AFTPH: variants seen among roughly 807,000 people sequenced by gnomAD.
AFTPH encodes the protein aftiphilin protein.
Under a neutral mutation model 72.5 loss-of-function variants are expected in AFTPH, and 7 were observed. The ratio of observed to expected loss-of-function variants is 0.10; its 90% CI spans 0.05 to 0.18. The LOEUF is 0.18. Ranked by LOEUF, AFTPH falls within the 10% of genes least tolerant of loss-of-function variation. AFTPH has a pLI of 1.00. For missense variants in AFTPH, 979 were observed against 1,060.5 expected, an observed-to-expected ratio of 0.92 and a Z score of 1.07; for synonymous variants, 337 against 370.1, an observed-to-expected ratio of 0.91 and a Z score of 1.03.
exon 2 of AFTPH, chr2:64,552,599 T>C (rs1671117120): frequency 6.2e-7 from 1 of 1,614,172 alleles, no homozygotes. Flanking sequence ...CTGTTAAAAC[T>C]TCTGATGATG....
chr2:64,537,917 G>T (rs1026775005), intron 1 of AFTPH, among the ~76,000 whole-genome samples: 1 of 152,128 alleles, frequency 6.6e-6, no homozygotes, highest in East Asian at 1.9e-4. Context: ...CCCTCCTCTT[G>T]TATGCTAGAA....
chr2:64,541,906 C>T (rs1343261801), intron 1 of AFTPH, among the ~76,000 whole-genome samples: 1 of 152,086 alleles, frequency 6.6e-6, no homozygotes, highest in Non-Finnish European at 1.5e-5. Context: ...TTGCTAATGT[C>T]ATTGATACTA....
intron 2 of AFTPH, among the ~76,000 whole-genome samples, chr2:64,560,127 T>G (rs1168591360): frequency 6.6e-6 from 1 of 152,194 alleles, no homozygotes; most frequent in African/African-American, 2.4e-5. Flanking sequence ...TATGGAAGAC[T>G]GGAACCTGTT....
chr2:64,572,120 T>C (rs1017052612), intron 5 of AFTPH, among the ~76,000 whole-genome samples: 1 of 150,920 alleles, frequency 6.6e-6, no homozygotes. Context: ...CTCGGGAGGC[T>C]GAGGCAGGAG....
At chr2:64,584,269 T>C (rs1325818271) in intron 7 of AFTPH, among the ~76,000 whole-genome samples, 1 of 152,148 alleles carries the variant, frequency 6.6e-6, no homozygotes, top group Non-Finnish European at 1.5e-5. Context: ...ATTGTTGTCA[T>C]CATTGCTATA....
At chr2:64,584,812 G>C (rs1466873123) in intron 7 of AFTPH, among the ~76,000 whole-genome samples, 4 of 152,146 alleles carry the variant, frequency 2.6e-5, no homozygotes, top group African/African-American at 9.6e-5. Context: ...TAGCCAGGAC[G>C]GTCTTGATCT....
chr2:64,584,437 A>ATAT (rs1673380477), intron 7 of AFTPH, among the ~76,000 whole-genome samples: 1 of 152,114 alleles, frequency 6.6e-6, no homozygotes, highest in African/African-American at 2.4e-5. Flanking sequence ...CCAGATTCAG[A>ATAT]CATGAGACTA....
intron 8 of AFTPH, among the ~76,000 whole-genome samples, chr2:64,590,748 C>G (rs181782296): frequency 6.6e-6 from 1 of 152,166 alleles, no homozygotes; most frequent in African/African-American, 2.4e-5. Flanking sequence ...TCCTAAAAGT[C>G]GTTGGATTTT....
chr2:64,591,871 TTTTCA>T lies in AFTPH; in HGVS notation c.2580-10_2580-6del. The T allele has an allele frequency of 6.2e-7, 1 of 1,613,174 alleles. No homozygotes were observed. The highest frequency in any genetic ancestry group is 1.1e-5 in the South Asian group (1 of 91,036). ...AAGTCACATTAACACACTTGTCTTT[TTTTCA>T]TTTGTCAGTAGGAAACCGAAAAGAG... On this transcript the variant is annotated splice_polypyrimidine_tract_variant and intron_variant, in intron 8 of 8. Transcript: ENST00000238856.
chr2:64,568,117 C>T (rs1176551430), intron 3 of AFTPH, among the ~76,000 whole-genome samples: 1 of 151,370 alleles, frequency 6.6e-6, no homozygotes. Flanking sequence ...TGAGCTATTT[C>T]TTTTTATATT....
intron 1 of AFTPH, among the ~76,000 whole-genome samples, chr2:64,537,035 CTT>C (rs1356425532): frequency 2.7e-5 from 4 of 150,564 alleles, no homozygotes; most frequent in African/African-American, 9.8e-5. Flanking sequence ...ATTTTAGACA[CTT>C]TGCCCTATTA....
At chr2:64,565,406 C>G (rs1164184395) in intron 2 of AFTPH, among the ~76,000 whole-genome samples, 1 of 143,156 alleles carries the variant, frequency 7.0e-6, no homozygotes, top group Non-Finnish European at 1.5e-5. Context: ...ACCTGGGAGG[C>G]AGAGCTTGCA....
At chr2:64,524,525 G>A (rs1252449946) in exon 1 of AFTPH, 2 of 399,262 alleles carry the variant, frequency 5.0e-6, no homozygotes, top group Non-Finnish European at 8.8e-6. Flanking sequence ...CACCAGTTCC[G>A]CGTCGGAATA....
chr2:64,572,329 A>G (rs1436497216), intron 5 of AFTPH, among the ~76,000 whole-genome samples: 2 of 152,192 alleles, frequency 1.3e-5, no homozygotes, highest in East Asian at 3.8e-4. Context: ...TGTCCAAGGA[A>G]CTAAGTCTCC....
chr2:64,543,953 T>A (rs1558598596), intron 1 of AFTPH, among the ~76,000 whole-genome samples: 1 of 152,218 alleles, frequency 6.6e-6, no homozygotes, highest in African/African-American at 2.4e-5. Flanking sequence ...CACCTTCACC[T>A]GTTGTATGCC....
At chr2:64,550,363 G>GA (rs1269844190) in intron 1 of AFTPH, among the ~76,000 whole-genome samples, 5 of 151,874 alleles carry the variant, frequency 3.3e-5, no homozygotes, top group Non-Finnish European at 7.4e-5. Context: ...CCCTGTCTCT[G>GA]AAAAAAGAAA....
At chr2:64,576,506 T>TG (rs934218531) in intron 6 of AFTPH, among the ~76,000 whole-genome samples, 28 of 152,308 alleles carry the variant, frequency 1.8e-4, no homozygotes, top group Admixed American at 1.7e-3. Flanking sequence ...TTACCTTTTT[T>TG]GGGATTGTGT....
intron 7 of AFTPH, 57 bp downstream of exon 7, chr2:64,579,603 T>C: frequency 6.8e-7 from 1 of 1,478,686 alleles, no homozygotes; most frequent in Non-Finnish European, 9.4e-7. Context: ...AGCTACAAAG[T>C]TCAGACAAAC....
chr2:64,530,419 GTTATTAAAATTATGAAAAAATAAT>G (rs1669561490), intron 1 of AFTPH, among the ~76,000 whole-genome samples: 2 of 152,088 alleles, frequency 1.3e-5, no homozygotes, highest in Non-Finnish European at 2.9e-5. Flanking sequence ...TGTTTTTCCA[GTTATTAAAATTATGAAAAAATAAT>G]GTGCTTATTA....
Sources: gnomAD v4.1 joint callset for allele counts (sites outside exome capture counted in the v4.1 genomes callset) on GRCh38, gnomAD v4.1.1 for gene constraint, MANE v1.5 for transcripts, NCBI Gene and HGNC (gene_info 2026-07-23, HGNC 2026-07-21) for gene names.